Variants in RGS6 observed in about 807,000 individuals in gnomAD.
RGS6 encodes the protein regulator of G protein signaling 6.
A neutral mutation model predicts 78.5 loss-of-function variants in RGS6; 30 were observed. That is an observed-to-expected ratio of 0.38 (90% CI 0.29 to 0.52). The LOEUF is 0.52. Among genes scored for constraint, RGS6 ranks in the 20% least tolerant of loss-of-function variants. RGS6 has a pLI of 0.85. For synonymous variants in RGS6, 206 were observed against 206.0 expected (o/e 1.00, Z 0.00); for missense variants, 495 against 609.7 (o/e 0.81, Z 1.98).
At chr14:72,375,667 C>T (rs1316862058) in intron 3 of RGS6, among the ~76,000 whole-genome samples, 1 of 152,216 alleles carries the variant, frequency 6.6e-6, no homozygotes, top group African/African-American at 2.4e-5. Context: ...ATCTGAGCAA[C>T]AGCTCAGCAA....
In RGS6 at chr14:72,112,239, T is replaced by C. The variant is rs547012749; in HGVS notation, c.84+147364T>C. ...CTCCAACACATGCCATGTAGTTAGT[T>C]GTTCCCTCTCTTTGTTCCTATACCA... On this transcript the variant is annotated intron_variant, in intron 2 of 17. Coordinates refer to ENST00000553525, the MANE Select transcript of RGS6 (RefSeq NM_001204424.2). Among the ~76,000 whole-genome samples the C allele has an allele frequency of 1.1e-4, 16 of 152,330 alleles. 1 individual carries two copies. The East Asian group carries it at 3.1e-3, about 29-fold the overall frequency.
intron 2 of RGS6, among the ~76,000 whole-genome samples, chr14:71,997,547 T>G (rs147504403): frequency 6.6e-6 from 1 of 152,178 alleles, no homozygotes; most frequent in East Asian, 1.9e-4. Flanking sequence ...TTTCAAAATG[T>G]CTGTGTCCTC....
intron 12 of RGS6, among the ~76,000 whole-genome samples, chr14:72,493,781 A>C (rs1291877379): frequency 1.3e-5 from 2 of 151,634 alleles, no homozygotes; most frequent in African/African-American, 4.8e-5. Flanking sequence ...AAAAAAAAAC[A>C]TGGAGTGATG....
intron 2 of RGS6, among the ~76,000 whole-genome samples, chr14:72,312,713 G>A (rs1302425390): frequency 6.6e-6 from 1 of 152,150 alleles, no homozygotes; most frequent in Admixed American, 6.5e-5. Context: ...TACACCTACC[G>A]CAAAAGGTGA....
chr14:72,413,911 G>C, intron 3 of RGS6, among the ~76,000 whole-genome samples: 1 of 152,190 alleles, frequency 6.6e-6, no homozygotes, highest in Non-Finnish European at 1.5e-5. Context: ...CTCTCTTCTG[G>C]CTTGTAGAGT....
chr14:72,549,910 C>G (rs1372605178), intron 17 of RGS6, among the ~76,000 whole-genome samples: 1 of 152,144 alleles, frequency 6.6e-6, no homozygotes, highest in Non-Finnish European at 1.5e-5. Flanking sequence ...AGAAACTATG[C>G]CCCCACCCTG....
In RGS6 at chr14:72,363,317, T is replaced by C. The variant is rs112586827; in HGVS notation, c.184+11123T>C. Among the ~76,000 whole-genome samples the C allele has an allele frequency of 9.5e-3, 1,448 of 152,278 alleles. 8 individuals carry two copies. The highest frequency in any genetic ancestry group is 0.021 in the South Asian group (103 of 4,820). On this transcript the variant is annotated intron_variant, in intron 3 of 17. Transcript: ENST00000553525. The stretch of plus-strand genomic sequence containing the variant: ...TAGTTATGGAGTCTAGATGAGGGAA[T>C]GTATGTGAGAAATAAGGCCATATTA...
chr14:72,536,324 T>G, intron 16 of RGS6, 49 bp downstream of exon 16: 1 of 1,278,202 alleles, frequency 7.8e-7, no homozygotes, highest in East Asian at 2.3e-5. Context: ...GACTCTTGCC[T>G]GCTGCTTGCT....
At chr14:72,284,373 T>C (rs1196395280) in intron 2 of RGS6, among the ~76,000 whole-genome samples, 5 of 152,044 alleles carry the variant, frequency 3.3e-5, no homozygotes, top group African/African-American at 1.2e-4. Flanking sequence ...CCCCACCTGC[T>C]ATGTGCAGCT....
At chr14:72,590,097 C>T in the RGS6 span, among the ~76,000 whole-genome samples, 3 of 152,212 alleles carry the variant, frequency 2.0e-5, no homozygotes. Flanking sequence ...GATCCCACTA[C>T]ACACCCACTA....
chr14:72,436,813 A>C (rs1643607009), intron 3 of RGS6, among the ~76,000 whole-genome samples: 1 of 152,214 alleles, frequency 6.6e-6, no homozygotes, highest in African/African-American at 2.4e-5. Flanking sequence ...TAGTGACACC[A>C]AGATTCAAAT....
chr14:72,281,569 G>A (rs1352927779), intron 2 of RGS6, among the ~76,000 whole-genome samples: 2 of 129,390 alleles, frequency 1.5e-5, no homozygotes, highest in African/African-American at 5.4e-5. Context: ...AATAAAAGGG[G>A]GTGATGGGAT....
intron 2 of RGS6, among the ~76,000 whole-genome samples, chr14:72,081,952 T>C (rs1246934771): frequency 6.6e-6 from 1 of 152,106 alleles, no homozygotes; most frequent in Non-Finnish European, 1.5e-5. Context: ...AGATAATCTT[T>C]TGTCATATTT....
the RGS6 span, among the ~76,000 whole-genome samples, chr14:71,870,200 CT>C: frequency 6.6e-6 from 1 of 152,138 alleles, no homozygotes; most frequent in Non-Finnish European, 1.5e-5. Context: ...TGAGCTTTTT[CT>C]TTCTTTTTTC....
intron 15 of RGS6, among the ~76,000 whole-genome samples, chr14:72,535,695 G>C (rs1199901909): frequency 2.0e-5 from 3 of 152,082 alleles, no homozygotes; most frequent in Non-Finnish European, 4.4e-5. Flanking sequence ...CACCTCCCTT[G>C]CTCCCTCTAC....
intron 2 of RGS6, among the ~76,000 whole-genome samples, chr14:72,050,903 G>C (rs1349378922): frequency 6.6e-6 from 1 of 152,132 alleles, no homozygotes. Flanking sequence ...AATCCCCCAA[G>C]TGAGTATACT....
At chr14:71,976,607 C>A (rs1455471594) in intron 2 of RGS6, among the ~76,000 whole-genome samples, 1 of 152,152 alleles carries the variant, frequency 6.6e-6, no homozygotes, top group African/African-American at 2.4e-5. Context: ...TTTTTTATGG[C>A]TGCATAGTAG....
intron 2 of RGS6, among the ~76,000 whole-genome samples, chr14:72,342,827 C>T (rs1037422610): frequency 2.7e-5 from 4 of 150,530 alleles, no homozygotes; most frequent in Non-Finnish European, 5.9e-5. Context: ...TTGAAAATGG[C>T]GTGGAGGCAA....
chr14:72,299,783 T>C (rs1197120513), intron 2 of RGS6, among the ~76,000 whole-genome samples: 1 of 152,222 alleles, frequency 6.6e-6, no homozygotes, highest in East Asian at 1.9e-4. Flanking sequence ...TGTATCTTTC[T>C]TGGGGAAATA....
Sources: gnomAD v4.1 joint callset for allele counts (sites outside exome capture counted in the v4.1 genomes callset) on GRCh38, gnomAD v4.1.1 for gene constraint, MANE v1.5 for transcripts, NCBI Gene and HGNC (gene_info 2026-07-23, HGNC 2026-07-21) for gene names.